FAM107B: variants seen among roughly 807,000 people sequenced by gnomAD.
The protein encoded by FAM107B is family with sequence similarity 107 member B.
In FAM107B, 21 loss-of-function variants were observed where a neutral mutation model predicts 31.5. The ratio of observed to expected loss-of-function variants is 0.67; its 90% confidence interval spans 0.47 to 0.96. FAM107B has a LOEUF of 0.96. Ranked by LOEUF, FAM107B falls within the 40% of genes least tolerant of loss-of-function variation. The probability of loss-of-function intolerance (pLI) is 0.00; values close to 1 mark genes in which losing one functional copy is unlikely to be tolerated. For missense variants in FAM107B, 452 were observed against 377.1 expected (o/e 1.20, Z -1.64); for synonymous variants, 157 against 141.5 (o/e 1.11, Z -0.78).
chr10:14,670,266 T>C (rs1854509187), intron 1 of FAM107B, among the ~76,000 whole-genome samples: 1 of 152,218 alleles, frequency 6.6e-6, no homozygotes, highest in African/African-American at 2.4e-5. Context: ...ACCCATAGAA[T>C]AGTATTGGCA....
chr10:14,646,258 G>T (rs1211833091), intron 2 of FAM107B, among the ~76,000 whole-genome samples: 2 of 152,084 alleles, frequency 1.3e-5, no homozygotes, highest in Non-Finnish European at 1.5e-5. Context: ...TATAGTGAGG[G>T]AGTCTGGGCC....
chr10:14,694,881 C>A (rs1050450520), intron 1 of FAM107B, among the ~76,000 whole-genome samples: 4 of 152,052 alleles, frequency 2.6e-5, no homozygotes, highest in Non-Finnish European at 5.9e-5. Flanking sequence ...TTTATGAGAT[C>A]TTTATAAATT....
chr10:14,571,239 A>G lies in FAM107B; in HGVS notation c.470-40724T>C, dbSNP rs528920271. Reference sequence around the variant, plus strand: ...CCCCAAGGCCCCTCCTCCTAAAACCATAACATAAGGGGTTCAAATTTCAAC... The same window carrying G: ...CCCCAAGGCCCCTCCTCCTAAAACCGTAACATAAGGGGTTCAAATTTCAAC... On this transcript the variant is annotated intron_variant, in intron 2 of 4. Coordinates refer to ENST00000181796, the MANE Select transcript of FAM107B (RefSeq NM_031453.4). 2.6e-5 allele frequency among the ~76,000 whole-genome samples: 4 copies of G among 152,258 alleles called. No individual in the cohort carries two copies. In the East Asian group the frequency reaches 7.7e-4, roughly 29 times the overall value.
At chr10:14,590,037 C>CTTAGT in intron 2 of FAM107B, among the ~76,000 whole-genome samples, 1 of 151,994 alleles carries the variant, frequency 6.6e-6, no homozygotes, top group East Asian at 1.9e-4. Context: ...ACTTAACGTA[C>CTTAGT]TAATGGTCCT....
At chr10:14,771,787 G>A (rs1279392247) in intron 1 of FAM107B, among the ~76,000 whole-genome samples, 1 of 152,168 alleles carries the variant, frequency 6.6e-6, no homozygotes, top group Non-Finnish European at 1.5e-5. Context: ...AAAGCTCTGG[G>A]TGACAGGCAT....
At chr10:14,673,329 T>C (rs1011781523) in intron 1 of FAM107B, among the ~76,000 whole-genome samples, 1 of 152,196 alleles carries the variant, frequency 6.6e-6, no homozygotes, top group Non-Finnish European at 1.5e-5. Flanking sequence ...ACTGTTCTCC[T>C]CTCCACTTCC....
intron 1 of FAM107B, among the ~76,000 whole-genome samples, chr10:14,698,356 A>G (rs1315393648): frequency 6.6e-6 from 1 of 152,224 alleles, no homozygotes; most frequent in Admixed American, 6.5e-5. Flanking sequence ...AGGAGAAAGA[A>G]GTGATACTGG....
chr10:14,594,518 CAAAA>C (rs56995042), intron 2 of FAM107B, among the ~76,000 whole-genome samples: 7 of 133,190 alleles, frequency 5.3e-5, no homozygotes, highest in African/African-American at 1.9e-4. Context: ...AAAAAAAAAA[CAAAA>C]AAAAACAAAA....
chr10:14,767,228 G>A lies in FAM107B; in HGVS notation c.411+7025C>T, dbSNP rs868539264. Among the ~76,000 whole-genome samples the A allele has an allele frequency of 5.0e-4, 74 of 149,350 alleles. 1 individual carries two copies. In the Middle Eastern group the frequency reaches 0.017, roughly 35 times the overall value. On this transcript the variant is annotated intron_variant, in intron 1 of 4. Transcript: ENST00000181796. The stretch of plus-strand genomic sequence containing the variant: ...TCTGCCTCAGCCTCCTGAGTAGCTG[G>A]GATTATAGCCCCTCTACCACACCCA...
At chr10:14,537,804 C>T (rs1193123754) in intron 2 of FAM107B, among the ~76,000 whole-genome samples, 3 of 142,304 alleles carry the variant, frequency 2.1e-5, no homozygotes, top group African/African-American at 7.8e-5. Context: ...CACTGCACTC[C>T]AGCCTGGCGA....
intron 2 of FAM107B, among the ~76,000 whole-genome samples, chr10:14,586,176 C>A (rs763702069): frequency 6.6e-6 from 1 of 152,216 alleles, no homozygotes; most frequent in Non-Finnish European, 1.5e-5. Context: ...CAATTCCTGA[C>A]CTTCAGCCTC....
At chr10:14,748,177 C>T (rs1332444560) in intron 1 of FAM107B, among the ~76,000 whole-genome samples, 2 of 152,156 alleles carry the variant, frequency 1.3e-5, no homozygotes, top group African/African-American at 4.8e-5. Flanking sequence ...AGAAGAAAGT[C>T]ATTTCTTCTA....
At chr10:14,532,255 GA>G (rs1188495179) in intron 2 of FAM107B, among the ~76,000 whole-genome samples, 14 of 152,062 alleles carry the variant, frequency 9.2e-5, no homozygotes, top group African/African-American at 3.4e-4. Flanking sequence ...CCTTCTCAGA[GA>G]GGCCTGACCT....
chr10:14,570,417 C>T (rs1260726379), intron 2 of FAM107B, among the ~76,000 whole-genome samples: 2 of 152,184 alleles, frequency 1.3e-5, no homozygotes, highest in Non-Finnish European at 1.5e-5. Flanking sequence ...AGCATTAAAT[C>T]TCCTTAGACA....
At chr10:14,702,381 G>T (rs1188240411) in intron 1 of FAM107B, among the ~76,000 whole-genome samples, 2 of 152,022 alleles carry the variant, frequency 1.3e-5, no homozygotes, top group African/African-American at 4.8e-5. Context: ...TTGAGACACA[G>T]TCTCACTTTA....
chr10:14,571,782 G>A, intron 2 of FAM107B: 2 of 985,336 alleles, frequency 2.0e-6, no homozygotes, highest in Non-Finnish European at 2.4e-6. Context: ...CTATTTTCTT[G>A]TTTATGTTTT....
intron 2 of FAM107B, among the ~76,000 whole-genome samples, chr10:14,661,003 AC>A (rs1317702808): frequency 6.6e-6 from 1 of 152,054 alleles, no homozygotes; most frequent in Non-Finnish European, 1.5e-5. Context: ...GTGAGCTCTC[AC>A]TAGATCTGGT....
At chr10:14,694,431 T>C (rs1855217316) in intron 1 of FAM107B, among the ~76,000 whole-genome samples, 1 of 152,208 alleles carries the variant, frequency 6.6e-6, no homozygotes, top group African/African-American at 2.4e-5. Context: ...TTGCCCAGGC[T>C]GGAGTGCAGT....
chr10:14,731,702 A>C (rs1188778183), intron 1 of FAM107B, among the ~76,000 whole-genome samples: 1 of 152,190 alleles, frequency 6.6e-6, no homozygotes, highest in East Asian at 1.9e-4. Context: ...GTATAATACC[A>C]TCTTTTTACT....
Sources: allele counts gnomAD v4.1 joint callset (sites outside exome capture counted in the v4.1 genomes callset), GRCh38; gene constraint gnomAD v4.1.1; transcripts MANE v1.5; gene names NCBI Gene and HGNC (gene_info 2026-07-23, HGNC 2026-07-21).